NOL4: variants seen among roughly 807,000 people sequenced by gnomAD.
NOL4 encodes the protein cancer/testis antigen 125.
NOL4 carries 17 observed loss-of-function variants against 75.9 expected under a neutral mutation model. The observed-to-expected ratio is 0.22, with a 90% CI of 0.15 to 0.34. The LOEUF is 0.34. NOL4 is among the 10% of genes least tolerant of loss of function. The probability of loss-of-function intolerance (pLI) is 1.00; values close to 1 mark genes in which losing one functional copy is unlikely to be tolerated. For missense variants in NOL4, 614 were observed against 793.5 expected, an observed-to-expected ratio of 0.77 and a Z score of 2.72; for synonymous variants, 292 against 289.9, an observed-to-expected ratio of 1.01 and a Z score of -0.07.
intron 6 of NOL4, among the ~76,000 whole-genome samples, chr18:33,962,090 G>A (rs1161359831): frequency 6.6e-6 from 1 of 151,990 alleles, no homozygotes; most frequent in East Asian, 1.9e-4. Flanking sequence ...TGAGATGGCT[G>A]GCCTGAGTCA....
At chr18:33,998,357 T>A (rs2073441544) in intron 6 of NOL4, among the ~76,000 whole-genome samples, 1 of 152,100 alleles carries the variant, frequency 6.6e-6, no homozygotes, top group African/African-American at 2.4e-5. Flanking sequence ...AAACCATAGA[T>A]TTGCTTACCT....
At chr18:34,030,886 T>C (rs1376251407) in intron 5 of NOL4, among the ~76,000 whole-genome samples, 1 of 151,890 alleles carries the variant, frequency 6.6e-6, no homozygotes, top group Non-Finnish European at 1.5e-5. Context: ...ATTTACTCTA[T>C]TGCTTAAATT....
chr18:33,970,000 G>A (rs1568146078), intron 6 of NOL4, among the ~76,000 whole-genome samples: 2 of 152,024 alleles, frequency 1.3e-5, no homozygotes, highest in South Asian at 2.1e-4. Context: ...CGTTGAAATC[G>A]CCCAAAGGAC....
At chr18:33,942,871 C>T (rs979916883) in intron 9 of NOL4, among the ~76,000 whole-genome samples, 194 bp downstream of exon 9, 1 of 151,934 alleles carries the variant, frequency 6.6e-6, no homozygotes, top group African/African-American at 2.4e-5. Context: ...GCCACAGAAA[C>T]ATTTTGTTCT....
At chr18:33,935,930 A>G (rs1463496198) in intron 9 of NOL4, among the ~76,000 whole-genome samples, 3 of 152,122 alleles carry the variant, frequency 2.0e-5, no homozygotes, top group Non-Finnish European at 4.4e-5. Flanking sequence ...ATGACTGAGA[A>G]TAAGTGTGGA....
Position 33,926,338 on chromosome 18 carries a change from G to A in NOL4, c.1542+16727C>T, listed in dbSNP as rs551814452. On this transcript the variant is annotated intron_variant, in intron 9 of 10. Transcript: ENST00000261592. ...TCATGCCACTGCCCTCCAAAATGGC[G>A]ACAGAGGAAGACTCCATCTCAAAAA... is the stretch of plus-strand genomic sequence containing the variant. 1.1e-3 allele frequency among the ~76,000 whole-genome samples: 122 copies of A among 112,368 alleles called. 1 individual carries two copies. The highest frequency in any genetic ancestry group is 4.1e-3 in the African/African-American group (116 of 28,548). The allele number at this position is 112,368 out of a possible 152,430, so 73.7% of individuals were successfully genotyped here.
At position 34,083,621 on chromosome 18, in the gene NOL4, A is replaced by G. The variant is rs370307692; in HGVS notation, c.772+9844T>C. ...AGCTTCTCATTTACAAATATAGAAA[A>G]GGTTGTCCAAAGTTGTCAATAATAC... On this transcript the variant is annotated intron_variant, in intron 5 of 10. Transcript: ENST00000261592. Among the ~76,000 whole-genome samples the G allele has an allele frequency of 1.6e-4, 24 of 152,304 alleles. No individual in the cohort carries two copies. The East Asian group carries it at 2.9e-3, about 18-fold the overall frequency.
intron 2 of NOL4, among the ~76,000 whole-genome samples, chr18:34,109,978 C>T (rs534569302): frequency 2.0e-4 from 30 of 151,404 alleles, no homozygotes; most frequent in South Asian, 1.9e-3. Context: ...ATGCACAGAT[C>T]GATAGTGAGT....
At chr18:34,004,128 G>A (rs1333027235) in intron 6 of NOL4, among the ~76,000 whole-genome samples, 1 of 151,880 alleles carries the variant, frequency 6.6e-6, no homozygotes, top group African/African-American at 2.4e-5. Flanking sequence ...TCAATCAACT[G>A]CCCATCAGAA....
At chr18:34,167,093 AT>A (rs889901481) in intron 1 of NOL4, among the ~76,000 whole-genome samples, 7 of 150,836 alleles carry the variant, frequency 4.6e-5, no homozygotes, top group Middle Eastern at 3.2e-3. Context: ...GTAAAAAAAA[AT>A]ATATAGTATA....
At chr18:33,904,984 C>A (rs1262901525) in intron 9 of NOL4, among the ~76,000 whole-genome samples, 1 of 152,164 alleles carries the variant, frequency 6.6e-6, no homozygotes, top group Non-Finnish European at 1.5e-5. Context: ...AAAGAAGCAT[C>A]AAAATTTTCA....
At chr18:34,027,223 GTGA>G (rs1371069298) in intron 5 of NOL4, among the ~76,000 whole-genome samples, 1 of 152,164 alleles carries the variant, frequency 6.6e-6, no homozygotes, top group Non-Finnish European at 1.5e-5. Context: ...TGAGAGAAAG[GTGA>G]TGATGACGGT....
At chr18:34,126,286 C>T (rs1256698175) in intron 2 of NOL4, among the ~76,000 whole-genome samples, 3 of 152,100 alleles carry the variant, frequency 2.0e-5, no homozygotes, top group East Asian at 1.9e-4. Context: ...GGCACAGATA[C>T]GAAATGAGTG....
chr18:33,945,254 A>T (rs2068759446), intron 8 of NOL4, among the ~76,000 whole-genome samples: 1 of 151,586 alleles, frequency 6.6e-6, no homozygotes, highest in African/African-American at 2.4e-5. Flanking sequence ...CGTTACCTCG[A>T]TTTTTCTCTC....
intron 9 of NOL4, among the ~76,000 whole-genome samples, chr18:33,919,188 C>T (rs2066892953): frequency 6.6e-6 from 1 of 152,074 alleles, no homozygotes; most frequent in Non-Finnish European, 1.5e-5. Flanking sequence ...GACCCTGTTG[C>T]CATTGCTATA....
In NOL4 at chr18:33,852,358, A is replaced by T. The variant is rs1366947448; in HGVS notation, c.*484T>A. 6.6e-6 allele frequency: 1 copy of T among 152,446 alleles called. No homozygotes were observed. The highest frequency in any genetic ancestry group is 1.5e-5 in the Non-Finnish European group (1 of 68,006). The allele number at this position is 152,446 out of a possible 1,614,324, so 9.4% of individuals were successfully genotyped here. On this transcript the variant is annotated 3_prime_UTR_variant, in exon 11 of 11. Coordinates refer to ENST00000261592, the MANE Select transcript of NOL4 (RefSeq NM_003787.5). Reference sequence around the variant, plus strand: ...AACAAGTTTTCTTTTTATAAAAATTACATATTTTTTTAAAATACGAGATCC... The same window carrying T: ...AACAAGTTTTCTTTTTATAAAAATTTCATATTTTTTTAAAATACGAGATCC...
intron 9 of NOL4, among the ~76,000 whole-genome samples, chr18:33,921,834 C>T (rs1433121417): frequency 2.0e-5 from 3 of 152,126 alleles, no homozygotes; most frequent in Admixed American, 6.5e-5. Context: ...TGTTTTTCAT[C>T]GGCTTTCCAG....
chr18:33,958,015 C>T (rs1260162197), intron 7 of NOL4, among the ~76,000 whole-genome samples: 1 of 152,132 alleles, frequency 6.6e-6, no homozygotes, highest in Non-Finnish European at 1.5e-5. Context: ...AACATGCATA[C>T]TCACACAACA....
intron 1 of NOL4, among the ~76,000 whole-genome samples, chr18:34,183,199 T>A (rs2034180602): frequency 2.6e-5 from 4 of 151,822 alleles, no homozygotes; most frequent in Admixed American, 2.6e-4. Context: ...ATTCTCAAAA[T>A]TCAATAATAA....
Sources: gnomAD v4.1 joint callset for allele counts (sites outside exome capture counted in the v4.1 genomes callset) on GRCh38, gnomAD v4.1.1 for gene constraint, MANE v1.5 for transcripts, NCBI Gene and HGNC (gene_info 2026-07-23, HGNC 2026-07-21) for gene names.